The following LUZP2 variants were observed in gnomAD, a reference collection of about 807,000 sequenced individuals.
The protein encoded by LUZP2 is leucine zipper protein 2.
In LUZP2, 52 loss-of-function variants were observed where a neutral mutation model predicts 51.6. The observed-to-expected ratio is 1.01, with a 90% confidence interval of 0.81 to 1.27. The LOEUF is 1.27. LUZP2 is among the 50% of genes most tolerant of loss of function. LUZP2 has a pLI of 0.00. For missense variants in LUZP2, 436 were observed against 395.4 expected (o/e 1.10, Z -0.87); for synonymous variants, 154 against 137.3 (o/e 1.12, Z -0.85).
intron 1 of LUZP2, among the ~76,000 whole-genome samples, chr11:24,653,044 A>G (rs1855679004): frequency 6.6e-6 from 1 of 152,166 alleles, no homozygotes; most frequent in Non-Finnish European, 1.5e-5. Context: ...AGTGGTGGGG[A>G]ACAAAATATG....
At chr11:24,699,569 G>C (rs939216470) in intron 1 of LUZP2, among the ~76,000 whole-genome samples, 1 of 151,596 alleles carries the variant, frequency 6.6e-6, no homozygotes, top group Non-Finnish European at 1.5e-5. Flanking sequence ...GAAGTTTTTG[G>C]GGGGACATGG....
At chr11:24,796,438 C>G (rs1015215917) in intron 5 of LUZP2, among the ~76,000 whole-genome samples, 3 of 150,476 alleles carry the variant, frequency 2.0e-5, no homozygotes, top group Non-Finnish European at 3.0e-5. Context: ...ATATAGGTTG[C>G]CCATAAAAAA....
intron 5 of LUZP2, among the ~76,000 whole-genome samples, chr11:24,872,418 T>C (rs973074961): frequency 6.6e-6 from 1 of 152,166 alleles, no homozygotes; most frequent in African/African-American, 2.4e-5. Flanking sequence ...ATCTAAAAGC[T>C]TTGTTCCCTG....
At chr11:24,835,927 A>G (rs1024373351) in intron 5 of LUZP2, among the ~76,000 whole-genome samples, 1 of 152,034 alleles carries the variant, frequency 6.6e-6, no homozygotes, top group Non-Finnish European at 1.5e-5. Context: ...TTAAGAAACT[A>G]CTCGTAAAAA....
chr11:24,644,020 A>T (rs1030191048), intron 1 of LUZP2, among the ~76,000 whole-genome samples: 1 of 152,204 alleles, frequency 6.6e-6, no homozygotes, highest in Non-Finnish European at 1.5e-5. Context: ...CCGCTTCCAA[A>T]TATTCAGGAA....
intron 5 of LUZP2, among the ~76,000 whole-genome samples, chr11:24,890,237 G>A (rs1177469953): frequency 2.0e-5 from 3 of 152,116 alleles, no homozygotes; most frequent in Non-Finnish European, 2.9e-5. Flanking sequence ...CTCAAATTCT[G>A]TTAATACAGA....
chr11:24,512,293 A>G (rs1280427136), intron 1 of LUZP2, among the ~76,000 whole-genome samples: 2 of 152,156 alleles, frequency 1.3e-5, no homozygotes, highest in Non-Finnish European at 2.9e-5. Context: ...TAGAATTCTA[A>G]CATTTCAGAT....
At chr11:24,657,787 A>G (rs1471392950) in intron 1 of LUZP2, among the ~76,000 whole-genome samples, 1 of 152,020 alleles carries the variant, frequency 6.6e-6, no homozygotes, top group Non-Finnish European at 1.5e-5. Flanking sequence ...ACCATTAACA[A>G]ACAGAGAGCC....
At chr11:24,618,081 T>G (rs891176564) in intron 1 of LUZP2, among the ~76,000 whole-genome samples, 1 of 152,078 alleles carries the variant, frequency 6.6e-6, no homozygotes, top group African/African-American at 2.4e-5. Context: ...TCCTCATTAT[T>G]GCTGGGCATG....
chr11:24,538,142 T>C (rs1050783161), intron 1 of LUZP2, among the ~76,000 whole-genome samples: 1 of 151,848 alleles, frequency 6.6e-6, no homozygotes, highest in Non-Finnish European at 1.5e-5. Context: ...ATCACATTTA[T>C]AAATATATAC....
At chr11:24,669,221 GT>G (rs1856319523) in intron 1 of LUZP2, among the ~76,000 whole-genome samples, 1 of 152,064 alleles carries the variant, frequency 6.6e-6, no homozygotes, top group African/African-American at 2.4e-5. Flanking sequence ...GTGCTCCCAG[GT>G]TTATCCAGAA....
At chr11:24,819,973 A>G (rs1377265282) in intron 5 of LUZP2, among the ~76,000 whole-genome samples, 2 of 152,110 alleles carry the variant, frequency 1.3e-5, no homozygotes, top group African/African-American at 4.8e-5. Flanking sequence ...TATTCATTGG[A>G]GAGGAAAGCT....
intron 8 of LUZP2, among the ~76,000 whole-genome samples, chr11:24,980,004 T>C (rs1243076147): frequency 1.3e-5 from 2 of 151,786 alleles, no homozygotes; most frequent in Non-Finnish European, 2.9e-5. Context: ...CCCACATACA[T>C]GGGACCTGAA....
intron 9 of LUZP2, among the ~76,000 whole-genome samples, chr11:24,997,239 T>C (rs1856532416): frequency 6.6e-6 from 1 of 152,032 alleles, no homozygotes; most frequent in African/African-American, 2.4e-5. Flanking sequence ...CCACCAACAG[T>C]GTAAAAGTGT....
intron 5 of LUZP2, among the ~76,000 whole-genome samples, chr11:24,781,816 T>C (rs866546528): frequency 1.3e-5 from 2 of 152,088 alleles, no homozygotes; most frequent in Middle Eastern, 3.4e-3. Context: ...ACCCAATACA[T>C]TAAAAAAATT....
At chr11:24,720,645 C>A (rs756602425) in intron 1 of LUZP2, among the ~76,000 whole-genome samples, 8 of 152,138 alleles carry the variant, frequency 5.3e-5, no homozygotes, top group Non-Finnish European at 1.0e-4. Flanking sequence ...GAGCTTACTG[C>A]AAGTGTTTCT....
intron 1 of LUZP2, among the ~76,000 whole-genome samples, chr11:24,640,317 C>A (rs191009218): frequency 1.4e-4 from 22 of 151,902 alleles, no homozygotes; most frequent in East Asian, 1.2e-3. Context: ...AATAAATATG[C>A]AATATTATAC....
At chr11:24,546,757 G>GT (rs1851556649) in intron 1 of LUZP2, among the ~76,000 whole-genome samples, 1 of 151,998 alleles carries the variant, frequency 6.6e-6, no homozygotes, top group Admixed American at 6.6e-5. Context: ...TGTTTGCCAG[G>GT]TTTTTGTATC....
chr11:25,072,395 A>G (rs1015845861), intron 10 of LUZP2, among the ~76,000 whole-genome samples: 1 of 152,144 alleles, frequency 6.6e-6, no homozygotes, highest in African/African-American at 2.4e-5. Context: ...TGTTTGTGGA[A>G]TGAATGATTA....
Sources: gnomAD v4.1 joint callset for allele counts (sites outside exome capture counted in the v4.1 genomes callset) on GRCh38, gnomAD v4.1.1 for gene constraint, MANE v1.5 for transcripts, NCBI Gene and HGNC (gene_info 2026-07-23, HGNC 2026-07-21) for gene names.